SPIN1: variants seen among roughly 807,000 people sequenced by gnomAD.
SPIN1 encodes the protein spindlin-1.
SPIN1 carries 3 observed loss-of-function variants against 26.0 expected under a neutral mutation model. That is an observed-to-expected ratio of 0.12 (90% confidence interval 0.05 to 0.30). SPIN1 has a LOEUF of 0.30. Among genes scored for constraint, SPIN1 ranks in the 10% least tolerant of loss-of-function variants. SPIN1 has a pLI of 1.00. For missense variants in SPIN1, 126 were observed against 333.4 expected, an observed-to-expected ratio of 0.38 and a Z score of 4.84; for synonymous variants, 101 against 116.5, an observed-to-expected ratio of 0.87 and a Z score of 0.86.
At chr9:88,388,806 C>T (rs1208380268) in intron 1 of SPIN1, among the ~76,000 whole-genome samples, 1 of 150,574 alleles carries the variant, frequency 6.6e-6, no homozygotes, top group Non-Finnish European at 1.5e-5. Context: ...CGCCGCCCCC[C>T]GCCAACATGG....
intron 1 of SPIN1, among the ~76,000 whole-genome samples, chr9:88,425,631 C>T (rs909510745): frequency 2.0e-5 from 3 of 150,428 alleles, no homozygotes; most frequent in Non-Finnish European, 3.0e-5. Flanking sequence ...GCCAAGGTTG[C>T]GCCACTGCAT....
At chr9:88,471,319 C>G (rs1457913203) in intron 5 of SPIN1, among the ~76,000 whole-genome samples, 2 of 151,892 alleles carry the variant, frequency 1.3e-5, no homozygotes, top group Admixed American at 6.6e-5. Context: ...GACTGCCTAT[C>G]TAGTTGTCCA....
intron 2 of SPIN1, among the ~76,000 whole-genome samples, chr9:88,429,129 A>G (rs1827815999): frequency 6.6e-6 from 1 of 152,110 alleles, no homozygotes; most frequent in Non-Finnish European, 1.5e-5. Context: ...AGCCTCCCAT[A>G]GTGTTGGGAT....
chr9:88,471,740 G>A (rs977378391), intron 5 of SPIN1, among the ~76,000 whole-genome samples: 24 of 150,286 alleles, frequency 1.6e-4, no homozygotes, highest in Non-Finnish European at 3.4e-4. Context: ...TGTTGCATTA[G>A]TTTGTATGTC....
At chr9:88,453,604 A>G (rs940700532) in intron 3 of SPIN1, among the ~76,000 whole-genome samples, 1 of 151,172 alleles carries the variant, frequency 6.6e-6, no homozygotes, top group South Asian at 2.1e-4. Flanking sequence ...TCGGCTCACC[A>G]CAACCTCCAC....
intron 3 of SPIN1, among the ~76,000 whole-genome samples, chr9:88,456,927 C>T (rs1393811310): frequency 6.6e-6 from 1 of 151,934 alleles, no homozygotes; most frequent in Non-Finnish European, 1.5e-5. Context: ...AAAGAAAAAC[C>T]ATTCGAGATA....
At chr9:88,394,399 TCTTA>T (rs1450375452) in intron 1 of SPIN1, among the ~76,000 whole-genome samples, 4 of 152,202 alleles carry the variant, frequency 2.6e-5, no homozygotes, top group Non-Finnish European at 5.9e-5. Context: ...TGTTATATGT[TCTTA>T]CTGTTAGAAT....
In SPIN1 at chr9:88,475,906, C is replaced by T. The variant is rs917958812; in HGVS notation, c.*629C>T. 3 of 151,144 alleles carry T rather than the reference C, an allele frequency of 2.0e-5. No individual in the cohort carries two copies. The highest frequency in any genetic ancestry group is 2.9e-5 in the Non-Finnish European group (2 of 67,924). 9.4% of individuals were successfully genotyped at this position (151,144 alleles called of 1,614,324 possible). ...GGCACAGGAACCATATGGGAACATT[C>T]AGCTTGTTTAAAAAAAAAAAATCAG... On this transcript the variant is annotated 3_prime_UTR_variant, in exon 6 of 6. Coordinates refer to ENST00000375859, the MANE Select transcript of SPIN1 (RefSeq NM_006717.3).
At chr9:88,427,984 T>C (rs1358746536) in intron 2 of SPIN1, among the ~76,000 whole-genome samples, 1 of 152,208 alleles carries the variant, frequency 6.6e-6, no homozygotes, top group African/African-American at 2.4e-5. Context: ...CTGGCACTTT[T>C]AATAGTGTTA....
chr9:88,411,004 A>T lies in SPIN1; in HGVS notation c.-158-15378A>T. 1.9e-6 allele frequency: 3 copies of T among 1,557,204 alleles called. No homozygotes were observed. The South Asian group carries it at 3.3e-5, about 17-fold the overall frequency. On this transcript the variant is annotated intron_variant, in intron 1 of 5. Coordinates refer to ENST00000375859, the MANE Select transcript of SPIN1 (RefSeq NM_006717.3). ...TCTTATCCACGGAGTTGTGGTCGTC[A>T]AAGGTTACAAAGGCAAAGCCCCTTT...
chr9:88,463,157 A>G (rs1828603534), intron 4 of SPIN1, among the ~76,000 whole-genome samples: 1 of 152,206 alleles, frequency 6.6e-6, no homozygotes, highest in South Asian at 2.1e-4. Flanking sequence ...TGTACAACGT[A>G]AATGATAATT....
chr9:88,414,473 C>G (rs1310630047), intron 1 of SPIN1, among the ~76,000 whole-genome samples: 1 of 152,224 alleles, frequency 6.6e-6, no homozygotes, highest in Non-Finnish European at 1.5e-5. Context: ...GCCATCCAGT[C>G]TCTCTGTTAT....
chr9:88,466,493 A>C (rs1027400280), intron 4 of SPIN1, among the ~76,000 whole-genome samples: 3 of 152,180 alleles, frequency 2.0e-5, no homozygotes, highest in Non-Finnish European at 2.9e-5. Flanking sequence ...TCTGAGATCT[A>C]AGTCTGAGAT....
At position 88,448,346 on chromosome 9, in the gene SPIN1, GTTTTTTTGT is replaced by G. The variant is rs368803710; in HGVS notation, c.53-580_53-572del. Among the ~76,000 whole-genome samples, 200 of 151,918 alleles carry G rather than the reference GTTTTTTTGT, an allele frequency of 1.3e-3. 1 individual carries two copies. Among genetic ancestry groups the G allele is most frequent in the African/African-American group, 4.6e-3 (189 of 41,466 alleles). ...GGCGTGAGCCACTGTACCCAGTTAA[GTTTTTTTGT>G]TTTTTTTGTTTTTTGAGACAAGGTC... On this transcript the variant is annotated intron_variant, in intron 2 of 5. Coordinates refer to ENST00000375859, the MANE Select transcript of SPIN1 (RefSeq NM_006717.3).
At chr9:88,420,265 C>T (rs771973590) in intron 1 of SPIN1, among the ~76,000 whole-genome samples, 2 of 152,202 alleles carry the variant, frequency 1.3e-5, no homozygotes, top group East Asian at 3.9e-4. Flanking sequence ...ATCCCAGCTC[C>T]TCGGAAGGCT....
intron 5 of SPIN1, among the ~76,000 whole-genome samples, chr9:88,470,243 C>T (rs1463282584): frequency 2.6e-5 from 4 of 152,162 alleles, no homozygotes; most frequent in African/African-American, 9.7e-5. Context: ...TGTTTCCCCA[C>T]CTCTTGGTTA....
chr9:88,433,592 T>G (rs957304819), intron 2 of SPIN1, among the ~76,000 whole-genome samples: 2 of 152,028 alleles, frequency 1.3e-5, no homozygotes, highest in Admixed American at 6.6e-5. Context: ...TATTGGGGAG[T>G]CTGTGAAATG....
chr9:88,409,713 C>T (rs900482374), intron 1 of SPIN1, among the ~76,000 whole-genome samples: 4 of 151,928 alleles, frequency 2.6e-5, no homozygotes, highest in Non-Finnish European at 5.9e-5. Flanking sequence ...TGGCGGGCAC[C>T]TGTAGTCCCA....
At chr9:88,461,627 A>T (rs1218381769) in intron 3 of SPIN1, among the ~76,000 whole-genome samples, 5 of 152,178 alleles carry the variant, frequency 3.3e-5, no homozygotes, top group Non-Finnish European at 7.3e-5. Context: ...CTTTATACCC[A>T]TAAAACTGTG....
Sources: gnomAD v4.1 joint callset for allele counts (sites outside exome capture counted in the v4.1 genomes callset) on GRCh38, gnomAD v4.1.1 for gene constraint, MANE v1.5 for transcripts, NCBI Gene and HGNC (gene_info 2026-07-23, HGNC 2026-07-21) for gene names.